NDUFA9: variants seen among roughly 807,000 people sequenced by gnomAD.
NDUFA9 encodes NADH:ubiquinone oxidoreductase subunit A9, also known as NADH dehydrogenase [ubiquinone] 1 alpha subcomplex subunit 9, mitochondrial.
A neutral mutation model predicts 45.9 loss-of-function variants in NDUFA9; 23 were observed. The ratio of observed to expected loss-of-function variants is 0.50; its 90% CI spans 0.36 to 0.71. The LOEUF (loss-of-function observed/expected upper bound fraction) is 0.71. Among genes scored for constraint, NDUFA9 ranks in the 30% least tolerant of loss-of-function variants. NDUFA9 has a pLI of 0.00. For missense variants in NDUFA9, 466 were observed against 488.2 expected (o/e 0.95, Z 0.43); for synonymous variants, 176 against 170.5 (o/e 1.03, Z -0.25).
At position 4,692,201 on chromosome 12, in the gene NDUFA9, T is replaced by G. The variant is rs562872233; in HGVS notation, c.*5093T>G. 1 of 152,236 alleles carries G rather than the reference T, an allele frequency of 6.6e-6. No homozygotes were observed. Among genetic ancestry groups the G allele is most frequent in the Non-Finnish European group, 1.5e-5 (1 of 68,054 alleles). The allele number at this position is 152,236 out of a possible 1,614,324, so 9.4% of individuals were successfully genotyped here. ...TCTCATGTTGCAATGTAATCTCCAG[T>G]GTTGGAGTTGGGGCCTAGTGGGAGG... On this transcript the variant is annotated 3_prime_UTR_variant, in exon 11 of 11. Transcript: ENST00000266544.
chr12:4,654,716 A>G (rs1945779380), intron 2 of NDUFA9, 109 bp from the exon 3 acceptor site: 2 of 1,003,858 alleles, frequency 2.0e-6, no homozygotes, highest in African/African-American at 1.6e-5. Flanking sequence ...GTCAAATATA[A>G]TATCAATTCA....
intron 3 of NDUFA9, chr12:4,655,403 A>C (rs975324251): frequency 6.5e-6 from 1 of 153,514 alleles, no homozygotes; most frequent in African/African-American, 2.4e-5. Flanking sequence ...GCTAGTCTGA[A>C]TTGAGATATG....
At chr12:4,667,857 C>G (rs1945862675) in intron 6 of NDUFA9, among the ~76,000 whole-genome samples, 1 of 151,652 alleles carries the variant, frequency 6.6e-6, no homozygotes, top group Non-Finnish European at 1.5e-5. Context: ...AACAAACAAA[C>G]AAAACAAAAA....
rs991464020 is a variant in NDUFA9 at position 4,693,921 on chromosome 12, C to G, written c.*6813C>G. On this transcript the variant is annotated 3_prime_UTR_variant, in exon 11 of 11. Transcript: ENST00000266544. The stretch of plus-strand genomic sequence containing the variant: ...AAGAGAAGTGACAGCTTTATAGCAT[C>G]TGATTGGGGAAAAACACATCTTTTC... The G allele has an allele frequency of 6.6e-6, 1 of 152,102 alleles. No homozygotes were observed. The highest frequency in any genetic ancestry group is 1.5e-5 in the Non-Finnish European group (1 of 68,028). 9.4% of individuals were successfully genotyped at this position (152,102 alleles called of 1,614,324 possible). A position where few individuals can be genotyped will look rare whatever the true frequency, so the allele number is the denominator to read the frequency against.
intron 5 of NDUFA9, among the ~76,000 whole-genome samples, chr12:4,661,668 A>G (rs1324773769): frequency 2.7e-5 from 3 of 111,820 alleles, no homozygotes; most frequent in Non-Finnish European, 6.1e-5. Context: ...AAGGACAGGA[A>G]CAGTCGGAAG....
chr12:4,682,752 T>C (rs1311186996), intron 9 of NDUFA9, among the ~76,000 whole-genome samples: 1 of 152,370 alleles, frequency 6.6e-6, no homozygotes, highest in East Asian at 1.9e-4. Flanking sequence ...CTTAGTTTAC[T>C]TCTTCTCTTT....
At chr12:4,673,490 G>C (rs927954179) in intron 8 of NDUFA9, among the ~76,000 whole-genome samples, 5 of 152,190 alleles carry the variant, frequency 3.3e-5, no homozygotes, top group Non-Finnish European at 4.4e-5. Context: ...TAAATGACCT[G>C]ATGGAGCTGA....
chr12:4,665,932 G>A (rs567905133), intron 6 of NDUFA9, among the ~76,000 whole-genome samples: 1 of 151,942 alleles, frequency 6.6e-6, no homozygotes, highest in African/African-American at 2.4e-5. Flanking sequence ...TTCCTACATA[G>A]GTGGGACTAG....
Position 4,691,982 on chromosome 12 carries a change from A to G in NDUFA9, c.*4874A>G, listed in dbSNP as rs1946021001. 6.6e-6 allele frequency: 1 copy of G among 152,180 alleles called. No individual in the cohort carries two copies. The highest frequency in any genetic ancestry group is 1.5e-5 in the Non-Finnish European group (1 of 68,046). The allele number at this position is 152,180 out of a possible 1,614,324, so 9.4% of individuals were successfully genotyped here. A position where few individuals can be genotyped will look rare whatever the true frequency, so the allele number is the denominator to read the frequency against. ...GAGAAAGGAGTGCTATCTCCTTTTGAGGTTACATTTCAGAGAATGGTTCCC... is the reference window on the plus strand; with the variant it reads ...GAGAAAGGAGTGCTATCTCCTTTTGGGGTTACATTTCAGAGAATGGTTCCC... On this transcript the variant is annotated 3_prime_UTR_variant, in exon 11 of 11. Coordinates refer to ENST00000266544, the MANE Select transcript of NDUFA9 (RefSeq NM_005002.5).
chr12:4,650,266 G>A (rs1438093495), intron 1 of NDUFA9, among the ~76,000 whole-genome samples: 1 of 152,062 alleles, frequency 6.6e-6, no homozygotes, highest in Non-Finnish European at 1.5e-5. Context: ...TCCATCTTGG[G>A]TAGAACTCCT....
chr12:4,677,058 C>T (rs1319267843), intron 8 of NDUFA9, among the ~76,000 whole-genome samples: 1 of 152,176 alleles, frequency 6.6e-6, no homozygotes, highest in Non-Finnish European at 1.5e-5. Flanking sequence ...GGAAATGATT[C>T]TCCGTTTAAT....
At chr12:4,661,909 C>T (rs527681165) in intron 5 of NDUFA9, among the ~76,000 whole-genome samples, 23 of 152,038 alleles carry the variant, frequency 1.5e-4, no homozygotes, top group African/African-American at 3.4e-4. Context: ...AAGAGGAGGT[C>T]GTTGGAGTTG....
chr12:4,685,712 C>G (rs1263729855), intron 10 of NDUFA9, among the ~76,000 whole-genome samples: 1 of 150,386 alleles, frequency 6.6e-6, no homozygotes. Context: ...TTCCTTCTTT[C>G]TTTAACCTAC....
chr12:4,676,490 C>T (rs561276776), intron 8 of NDUFA9, among the ~76,000 whole-genome samples: 9 of 152,274 alleles, frequency 5.9e-5, no homozygotes, highest in African/African-American at 1.9e-4. Flanking sequence ...TTCCCATACA[C>T]CAATAACAGA....
chr12:4,653,200 G>A (rs1232136816), intron 1 of NDUFA9, among the ~76,000 whole-genome samples: 1 of 152,232 alleles, frequency 6.6e-6, no homozygotes, highest in African/African-American at 2.4e-5. Flanking sequence ...CCTGCCATAT[G>A]AAGAATATTT....
At chr12:4,663,349 A>G (rs934155154) in intron 6 of NDUFA9, among the ~76,000 whole-genome samples, 2 of 151,916 alleles carry the variant, frequency 1.3e-5, no homozygotes, top group Admixed American at 6.6e-5. Flanking sequence ...CCCATCTGCT[A>G]TGGGCTAAAT....
At chr12:4,679,103 A>G (rs764338849) in intron 8 of NDUFA9, among the ~76,000 whole-genome samples, 74 of 152,222 alleles carry the variant, frequency 4.9e-4, no homozygotes, top group Non-Finnish European at 7.4e-4. Context: ...GGAATGAAAT[A>G]TTGACATGTT....
At chr12:4,655,487 A>T (rs1422586385) in intron 3 of NDUFA9, 2 of 152,186 alleles carry the variant, frequency 1.3e-5, no homozygotes, top group Non-Finnish European at 2.9e-5. Flanking sequence ...ATCATTAACA[A>T]TTTTTTATAT....
At chr12:4,677,116 G>C (rs111276019) in intron 8 of NDUFA9, among the ~76,000 whole-genome samples, 20,518 of 152,180 alleles carry the variant, frequency 0.13, 1,585 homozygotes, top group Middle Eastern at 0.21. Flanking sequence ...AGCTGAAACT[G>C]GATCCTTTCC....
Sources: allele counts gnomAD v4.1 joint callset (sites outside exome capture counted in the v4.1 genomes callset), GRCh38; gene constraint gnomAD v4.1.1; transcripts MANE v1.5; gene names NCBI Gene and HGNC (gene_info 2026-07-23, HGNC 2026-07-21).